The following PRR16 variants were observed in gnomAD, a reference collection of about 807,000 sequenced individuals.
PRR16 encodes the protein protein Largen.
Under a neutral mutation model 18.2 loss-of-function variants are expected in PRR16, and 6 were observed. The ratio of observed to expected loss-of-function variants is 0.33; its 90% CI spans 0.18 to 0.65. The LOEUF is 0.65. Ranked by LOEUF, PRR16 falls within the 30% of genes least tolerant of loss-of-function variation. The pLI, the probability that PRR16 is intolerant of heterozygous loss-of-function variation, is 0.74. For synonymous variants in PRR16, 151 were observed against 147.8 expected, an observed-to-expected ratio of 1.02 and a Z score of -0.16; for missense variants, 412 against 376.6, an observed-to-expected ratio of 1.09 and a Z score of -0.78.
At chr5:120,718,035 C>T in the PRR16 span, among the ~76,000 whole-genome samples, 2 of 152,190 alleles carry the variant, frequency 1.3e-5, no homozygotes, top group East Asian at 3.9e-4. Flanking sequence ...GTGGATTCAA[C>T]CCATCATCTT....
chr5:120,701,549 C>G, the PRR16 span, among the ~76,000 whole-genome samples: 1 of 152,158 alleles, frequency 6.6e-6, no homozygotes, highest in African/African-American at 2.4e-5. Context: ...AACTGAAAGC[C>G]GGACCAGGTG....
At chr5:120,477,930 A>G (rs150248501) in intron 1 of PRR16, among the ~76,000 whole-genome samples, 1,541 of 151,810 alleles carry the variant, frequency 0.01, 8 homozygotes, top group Non-Finnish European at 0.016. Flanking sequence ...TGTTCAGGCA[A>G]CTCCACATGT....
intron 1 of PRR16, chr5:120,481,051 A>T: frequency 9.2e-7 from 1 of 1,088,304 alleles, no homozygotes. Context: ...AATATAAAGT[A>T]CATGGCAGGC....
intron 1 of PRR16, among the ~76,000 whole-genome samples, chr5:120,609,999 G>A (rs1580783878): frequency 6.6e-6 from 1 of 152,254 alleles, no homozygotes; most frequent in East Asian, 1.9e-4. Flanking sequence ...TTTATCTCCA[G>A]GCAGTCCTGC....
At chr5:120,700,599 G>A in the PRR16 span, among the ~76,000 whole-genome samples, 2 of 151,936 alleles carry the variant, frequency 1.3e-5, no homozygotes, top group African/African-American at 4.8e-5. Flanking sequence ...AACTAAAAAG[G>A]AGTGCTTAAA....
At position 120,649,198 on chromosome 5, in the gene PRR16, G is replaced by T. The variant is rs1755694113; in HGVS notation, c.160-36756G>T. Among the ~76,000 whole-genome samples the T allele has an allele frequency of 1.3e-5, 2 of 151,960 alleles. 1 individual carries two copies. Among genetic ancestry groups the T allele is most frequent in the African/African-American group, 4.8e-5 (2 of 41,398 alleles). ...ATAAATTGTCTAAGGGAATATTTTA[G>T]GTCTATTTTAATATTCTTTTCTCCT... On this transcript the variant is annotated intron_variant, in intron 1 of 1. Transcript: ENST00000407149.
intron 1 of PRR16, among the ~76,000 whole-genome samples, chr5:120,499,435 T>A (rs1327682940): frequency 6.6e-6 from 1 of 152,176 alleles, no homozygotes; most frequent in Non-Finnish European, 1.5e-5. Context: ...CTTTTTGTTG[T>A]TGTTTTCAGG....
chr5:120,501,955 CAAAAAAAAAAAA>C (rs548770948), intron 1 of PRR16, among the ~76,000 whole-genome samples: 2 of 44,086 alleles, frequency 4.5e-5, no homozygotes, highest in East Asian at 1.3e-3. Context: ...TACTCCGTCT[CAAAAAAAAAAAA>C]AAAAAAAAAA....
chr5:120,760,336 A>G, the PRR16 span, among the ~76,000 whole-genome samples: 1 of 152,098 alleles, frequency 6.6e-6, no homozygotes, highest in African/African-American at 2.4e-5. Flanking sequence ...TATATATGAA[A>G]ATAGAATTAT....
the PRR16 span, chr5:120,781,420 T>TA: frequency 1.3e-5 from 2 of 152,122 alleles, no homozygotes; most frequent in Non-Finnish European, 2.9e-5. Context: ...CATGAGTGAA[T>TA]AAAAAAATAT....
the PRR16 span, among the ~76,000 whole-genome samples, chr5:120,741,862 A>G: frequency 6.6e-6 from 1 of 152,198 alleles, no homozygotes; most frequent in Admixed American, 6.5e-5. Context: ...CAGCCTCCCA[A>G]CGTGCTGGGA....
At chr5:120,702,399 G>C in the PRR16 span, among the ~76,000 whole-genome samples, 1 of 151,954 alleles carries the variant, frequency 6.6e-6, no homozygotes, top group Non-Finnish European at 1.5e-5. Context: ...TTGCCGCTAA[G>C]AGTGAAGGAG....
chr5:120,784,261 G>A, the PRR16 span, among the ~76,000 whole-genome samples: 2 of 152,028 alleles, frequency 1.3e-5, no homozygotes, highest in African/African-American at 4.8e-5. Flanking sequence ...TAGTTCTACT[G>A]TTAGTTTTTT....
At chr5:120,674,294 C>T (rs571269904) in intron 1 of PRR16, among the ~76,000 whole-genome samples, 3 of 152,268 alleles carry the variant, frequency 2.0e-5, no homozygotes. Flanking sequence ...ATGTAATGTT[C>T]CTTGGATCCT....
chr5:120,790,272 CAT>C, the PRR16 span: 12 of 152,250 alleles, frequency 7.9e-5, no homozygotes, highest in Middle Eastern at 3.4e-3. Flanking sequence ...GCCAACAAAA[CAT>C]AAACACCAAA....
At chr5:120,754,541 A>AT in the PRR16 span, among the ~76,000 whole-genome samples, 3 of 93,230 alleles carry the variant, frequency 3.2e-5, no homozygotes, top group South Asian at 3.1e-4. Context: ...AATTATATGT[A>AT]ATTATATATA....
At chr5:120,535,736 G>A (rs1365826882) in intron 1 of PRR16, among the ~76,000 whole-genome samples, 1 of 151,932 alleles carries the variant, frequency 6.6e-6, no homozygotes, top group Non-Finnish European at 1.5e-5. Flanking sequence ...GGAGGCGGAG[G>A]TTGCAGTGAG....
chr5:120,692,666 ATATTT>A, the PRR16 span, among the ~76,000 whole-genome samples: 4 of 152,204 alleles, frequency 2.6e-5, no homozygotes, highest in Admixed American at 2.6e-4. Context: ...AATAATTTGA[ATATTT>A]TATAGACTCT....
chr5:120,776,477 G>A, the PRR16 span, among the ~76,000 whole-genome samples: 1 of 152,084 alleles, frequency 6.6e-6, no homozygotes, highest in African/African-American at 2.4e-5. Context: ...ATTCATGGAA[G>A]GAGTGAAATG....
Sources: gnomAD v4.1 joint callset for allele counts (sites outside exome capture counted in the v4.1 genomes callset) on GRCh38, gnomAD v4.1.1 for gene constraint, MANE v1.5 for transcripts, NCBI Gene and HGNC (gene_info 2026-07-23, HGNC 2026-07-21) for gene names.